NLK: variants seen among roughly 807,000 people sequenced by gnomAD.
The protein encoded by NLK is serine/threonine-protein kinase NLK.
NLK carries 11 observed loss-of-function variants against 59.0 expected under a neutral mutation model. The ratio of observed to expected loss-of-function variants is 0.19; its 90% CI spans 0.12 to 0.31. The LOEUF (loss-of-function observed/expected upper bound fraction) is 0.31, where lower values mean the gene tolerates loss of function less well. Among genes scored for constraint, NLK ranks in the 10% least tolerant of loss-of-function variants. The pLI, the probability that NLK is intolerant of heterozygous loss-of-function variation, is 1.00. For missense variants in NLK, 410 were observed against 661.1 expected (o/e 0.62, Z 4.16); for synonymous variants, 235 against 235.9 (o/e 1.00, Z 0.03).
At chr17:28,162,509 C>T (rs1289033015) in intron 4 of NLK, among the ~76,000 whole-genome samples, 4 of 151,974 alleles carry the variant, frequency 2.6e-5, no homozygotes, top group African/African-American at 7.2e-5. Flanking sequence ...TGGTGGCACT[C>T]GCCTGTAGTC....
intron 7 of NLK, among the ~76,000 whole-genome samples, 187 bp downstream of exon 7, chr17:28,172,805 C>G (rs1188586466): frequency 6.6e-6 from 1 of 152,034 alleles, no homozygotes; most frequent in Non-Finnish European, 1.5e-5. Context: ...ATTCCTAATG[C>G]CGTAGGAGAA....
intron 2 of NLK, 145 bp downstream of exon 2, chr17:28,122,877 G>C: frequency 1.2e-6 from 1 of 801,454 alleles, no homozygotes; most frequent in Non-Finnish European, 2.0e-6. Flanking sequence ...AAAGAAATAA[G>C]CGCACCAGTG....
chr17:28,105,830 T>TA (rs1188825026), intron 1 of NLK, among the ~76,000 whole-genome samples: 3 of 152,224 alleles, frequency 2.0e-5, no homozygotes, highest in African/African-American at 7.2e-5. Context: ...TTTACTCACT[T>TA]AGAGTCGTTC....
At chr17:28,055,095 C>CTTT (rs1041966713) in intron 1 of NLK, among the ~76,000 whole-genome samples, 1 of 132,128 alleles carries the variant, frequency 7.6e-6, no homozygotes, top group Non-Finnish European at 1.6e-5. Context: ...ATTTTTTTTT[C>CTTT]TTTTTTTTTT....
intron 1 of NLK, among the ~76,000 whole-genome samples, chr17:28,063,682 A>C (rs796587140): frequency 2.0e-4 from 30 of 152,324 alleles, no homozygotes; most frequent in African/African-American, 7.2e-4. Context: ...ATAAAAATTC[A>C]ATTAGTAATA....
At chr17:28,086,885 A>G (rs1910537071) in intron 1 of NLK, among the ~76,000 whole-genome samples, 1 of 150,826 alleles carries the variant, frequency 6.6e-6, no homozygotes, top group African/African-American at 2.4e-5. Context: ...ATACATATAT[A>G]TATATTTTAT....
At chr17:28,054,126 C>A (rs936984777) in intron 1 of NLK, among the ~76,000 whole-genome samples, 1 of 152,028 alleles carries the variant, frequency 6.6e-6, no homozygotes, top group Admixed American at 6.6e-5. Flanking sequence ...AAAAGTAATC[C>A]AGAAGCTATA....
chr17:28,131,587 A>T (rs1332791462), intron 2 of NLK, among the ~76,000 whole-genome samples: 3 of 61,754 alleles, frequency 4.9e-5, no homozygotes, highest in East Asian at 3.4e-4. Context: ...TCTCTGTAGT[A>T]AAAAAAAAAA....
downstream of NLK, among the ~76,000 whole-genome samples, chr17:28,198,521 C>T (rs943175228): frequency 6.6e-6 from 1 of 152,152 alleles, no homozygotes; most frequent in African/African-American, 2.4e-5. Flanking sequence ...GATAGGGTTC[C>T]ACCATGTTGG....
At chr17:28,175,263 G>A (rs913611860) in intron 7 of NLK, among the ~76,000 whole-genome samples, 1 of 151,220 alleles carries the variant, frequency 6.6e-6, no homozygotes, top group Non-Finnish European at 1.5e-5. Context: ...GGCTAACATG[G>A]TGAAACCCCG....
At chr17:28,059,653 A>G (rs889075198) in intron 1 of NLK, among the ~76,000 whole-genome samples, 2 of 152,234 alleles carry the variant, frequency 1.3e-5, no homozygotes, top group African/African-American at 4.8e-5. Context: ...TTTAGTGTAT[A>G]CTAGAGATCC....
At chr17:28,152,798 T>G (rs1907536080) in intron 3 of NLK, among the ~76,000 whole-genome samples, 1 of 151,946 alleles carries the variant, frequency 6.6e-6, no homozygotes, top group African/African-American at 2.4e-5. Context: ...TAACTTTATT[T>G]TTTTTTGTAG....
At chr17:28,128,067 T>TA (rs1906363983) in intron 2 of NLK, among the ~76,000 whole-genome samples, 1 of 152,066 alleles carries the variant, frequency 6.6e-6, no homozygotes, top group Non-Finnish European at 1.5e-5. Context: ...ATATCCATAT[T>TA]AAAAAAATTA....
intron 3 of NLK, among the ~76,000 whole-genome samples, chr17:28,150,515 AT>A (rs1907435504): frequency 6.6e-6 from 1 of 152,158 alleles, no homozygotes; most frequent in Non-Finnish European, 1.5e-5. Context: ...TGTTTAAGTG[AT>A]GTTCTCCAGT....
chr17:28,115,313 A>C (rs931231230), intron 1 of NLK, among the ~76,000 whole-genome samples: 1 of 152,170 alleles, frequency 6.6e-6, no homozygotes, highest in Non-Finnish European at 1.5e-5. Context: ...GGCAAAACCA[A>C]AATGTGGTTT....
intron 1 of NLK, among the ~76,000 whole-genome samples, chr17:28,111,119 G>A (rs913007652): frequency 6.6e-6 from 1 of 152,078 alleles, no homozygotes; most frequent in African/African-American, 2.4e-5. Flanking sequence ...GCATATTTAC[G>A]ATAGCTAGTT....
chr17:28,173,704 T>A (rs992362415), intron 7 of NLK, among the ~76,000 whole-genome samples: 2 of 152,210 alleles, frequency 1.3e-5, no homozygotes, highest in Non-Finnish European at 2.9e-5. Context: ...GCACAGTAAG[T>A]CTTAACCTAG....
At chr17:28,108,693 A>C (rs1020141461) in intron 1 of NLK, among the ~76,000 whole-genome samples, 5 of 152,228 alleles carry the variant, frequency 3.3e-5, no homozygotes, top group Non-Finnish European at 7.3e-5. Flanking sequence ...TAGTTTGAAT[A>C]AATGGAAAGT....
intron 1 of NLK, among the ~76,000 whole-genome samples, chr17:28,078,770 G>A (rs370179143): frequency 6.6e-6 from 1 of 151,922 alleles, no homozygotes; most frequent in East Asian, 1.9e-4. Context: ...ATGGTTTATA[G>A]CACCCATTCT....
Sources: allele counts gnomAD v4.1 joint callset (sites outside exome capture counted in the v4.1 genomes callset), GRCh38; gene constraint gnomAD v4.1.1; transcripts MANE v1.5; gene names NCBI Gene and HGNC (gene_info 2026-07-23, HGNC 2026-07-21).